The following SEMA6D variants were observed in gnomAD, a reference collection of about 807,000 sequenced individuals.
SEMA6D encodes semaphorin 6D.
Under a neutral mutation model 106.6 loss-of-function variants are expected in SEMA6D, and 35 were observed. The ratio of observed to expected loss-of-function variants is 0.33; its 90% CI spans 0.25 to 0.44. The LOEUF (loss-of-function observed/expected upper bound fraction) is 0.44, where lower values mean the gene tolerates loss of function less well. Ranked by LOEUF, SEMA6D falls within the 20% of genes least tolerant of loss-of-function variation. SEMA6D has a pLI of 1.00. For missense variants in SEMA6D, 1,185 were observed against 1,345.9 expected (o/e 0.88, Z 1.87); for synonymous variants, 499 against 487.7 (o/e 1.02, Z -0.31).
At chr15:47,723,644 G>A (rs1417981402) in intron 1 of SEMA6D, among the ~76,000 whole-genome samples, 1 of 152,094 alleles carries the variant, frequency 6.6e-6, no homozygotes, top group Non-Finnish European at 1.5e-5. Flanking sequence ...CAGATACATT[G>A]TTGAGAAATT....
At chr15:47,711,171 G>C (rs970615643) in intron 4 of SEMA6D, among the ~76,000 whole-genome samples, 1 of 151,096 alleles carries the variant, frequency 6.6e-6, no homozygotes, top group Non-Finnish European at 1.5e-5. Flanking sequence ...TTAGCCGGGC[G>C]TAGTGGCGGG....
chr15:47,759,822 C>G lies in SEMA6D; in HGVS notation c.24C>G (p.Ala8=). The change falls in exon 2 of 19, where the codon GCC becomes GCG. Residue 8 remains alanine, a synonymous_variant. Transcript: ENST00000536845. MRVFLLC[A]YILLLMVSQL... is the part of the protein sequence containing the mutation. The stretch of plus-strand genomic sequence containing the variant: ...CCATGAGGGTCTTCCTGCTTTGTGC[C>G]TACATACTGCTGCTGATGGTTTCCC... 1.2e-6 allele frequency: 2 copies of G among 1,613,662 alleles called. No homozygotes were observed. Among genetic ancestry groups the G allele is most frequent in the East Asian group, 4.5e-5 (2 of 44,888 alleles).
intron 3 of SEMA6D, among the ~76,000 whole-genome samples, chr15:47,528,920 TA>T (rs1566860631): frequency 6.6e-6 from 1 of 152,202 alleles, no homozygotes; most frequent in African/African-American, 2.4e-5. Context: ...GTCTTATCTA[TA>T]ACATAAATAG....
At chr15:47,365,394 C>T (rs1387030415) in intron 1 of SEMA6D, among the ~76,000 whole-genome samples, 2 of 152,100 alleles carry the variant, frequency 1.3e-5, no homozygotes, top group Non-Finnish European at 2.9e-5. Context: ...TGGATCACCC[C>T]CACTGCAGCC....
At chr15:47,652,344 A>G (rs957420696) in intron 4 of SEMA6D, among the ~76,000 whole-genome samples, 72 of 152,166 alleles carry the variant, frequency 4.7e-4, no homozygotes, top group African/African-American at 1.6e-3. Flanking sequence ...TTAAGGGTTA[A>G]GATCAGTTTT....
At chr15:47,459,232 T>A (rs527772734) in intron 2 of SEMA6D, among the ~76,000 whole-genome samples, 11 of 152,178 alleles carry the variant, frequency 7.2e-5, no homozygotes, top group African/African-American at 2.6e-4. Context: ...GTAGACAGCT[T>A]CTAGCCACTT....
intron 3 of SEMA6D, among the ~76,000 whole-genome samples, chr15:47,585,495 G>A (rs2076323036): frequency 6.6e-6 from 1 of 152,070 alleles, no homozygotes; most frequent in African/African-American, 2.4e-5. Flanking sequence ...AGGTAATATT[G>A]CCTGGGGCTT....
intron 2 of SEMA6D, among the ~76,000 whole-genome samples, chr15:47,432,562 C>CGCATATGTATATACATACACACCTATAT (rs2041569495): frequency 2.3e-5 from 1 of 43,260 alleles, no homozygotes; most frequent in African/African-American, 7.3e-5. Context: ...TATACATATA[C>CGCATATGTATATACATACACACCTATAT]GCATATGTAT....
At chr15:47,715,411 G>A (rs542031525), upstream of SEMA6D, among the ~76,000 whole-genome samples, 4 of 152,134 alleles carry the variant, frequency 2.6e-5, no homozygotes, top group African/African-American at 4.8e-5. Flanking sequence ...TAAAAGGAGC[G>A]TTGTTTTCCT....
chr15:47,214,392 A>C (rs2030359723), intron 1 of SEMA6D, among the ~76,000 whole-genome samples: 1 of 152,154 alleles, frequency 6.6e-6, no homozygotes, highest in African/African-American at 2.4e-5. Flanking sequence ...GAGAGATTTA[A>C]ACATTTAATG....
At chr15:47,285,674 C>CA in intron 1 of SEMA6D, among the ~76,000 whole-genome samples, 1 of 152,148 alleles carries the variant, frequency 6.6e-6, no homozygotes, top group African/African-American at 2.4e-5. Flanking sequence ...AGAAGAACTG[C>CA]AAAAAACGTC....
At chr15:47,392,724 A>C (rs922809154) in intron 1 of SEMA6D, among the ~76,000 whole-genome samples, 2 of 152,160 alleles carry the variant, frequency 1.3e-5, no homozygotes, top group African/African-American at 4.8e-5. Flanking sequence ...TTGGCCACTA[A>C]CTTTGTGATA....
At chr15:47,688,853 A>G (rs913989311) in intron 4 of SEMA6D, among the ~76,000 whole-genome samples, 5 of 152,158 alleles carry the variant, frequency 3.3e-5, no homozygotes, top group Non-Finnish European at 7.4e-5. Context: ...CAGTTATGTA[A>G]ATTTTTCACA....
chr15:47,187,052 G>A (rs1353355474), intron 1 of SEMA6D, among the ~76,000 whole-genome samples: 2 of 151,988 alleles, frequency 1.3e-5, no homozygotes, highest in Non-Finnish European at 2.9e-5. Context: ...TAGGCCTCCT[G>A]GCCATTCGCG....
chr15:47,767,900 C>G (rs938539285), intron 17 of SEMA6D, among the ~76,000 whole-genome samples: 4 of 152,082 alleles, frequency 2.6e-5, no homozygotes, highest in Admixed American at 2.6e-4. Flanking sequence ...TCAGAATATC[C>G]TCATTCAGTT....
intron 1 of SEMA6D, 94 bp downstream of exon 1, chr15:47,717,786 TGTGTGTGTGC>T (rs1191439139): frequency 2.1e-5 from 3 of 144,716 alleles, no homozygotes; most frequent in Non-Finnish European, 4.3e-5. Flanking sequence ...TGTGTGTGTG[TGTGTGTGTGC>T]GCGCGGTGGG....
intron 1 of SEMA6D, among the ~76,000 whole-genome samples, chr15:47,196,781 G>C (rs1038484655): frequency 1.3e-5 from 2 of 152,160 alleles, no homozygotes; most frequent in Non-Finnish European, 2.9e-5. Context: ...AAGAGAATGC[G>C]AAACATGTTA....
At chr15:47,203,823 T>G (rs1894875548) in intron 1 of SEMA6D, among the ~76,000 whole-genome samples, 1 of 152,226 alleles carries the variant, frequency 6.6e-6, no homozygotes. Context: ...TTTGTGGACA[T>G]GAAAATCCAC....
At chr15:47,508,049 A>G (rs2044106664) in intron 3 of SEMA6D, among the ~76,000 whole-genome samples, 1 of 152,226 alleles carries the variant, frequency 6.6e-6, no homozygotes. Flanking sequence ...GAAATGACAG[A>G]AAATCCTCTG....
Sources: gnomAD v4.1 joint callset for allele counts (sites outside exome capture counted in the v4.1 genomes callset) on GRCh38, gnomAD v4.1.1 for gene constraint, MANE v1.5 for transcripts, NCBI Gene and HGNC (gene_info 2026-07-23, HGNC 2026-07-21) for gene names.